The following SPTSSB variants were observed in gnomAD, a reference collection of about 807,000 sequenced individuals.
SPTSSB encodes serine palmitoyltransferase small subunit B, also known as androgen down regulated in mouse prostate.
A neutral mutation model predicts 7.7 loss-of-function variants in SPTSSB; 6 were observed. The ratio of observed to expected loss-of-function variants is 0.78; its 90% CI spans 0.43 to 1.54. The LOEUF is 1.54. Ranked by LOEUF, SPTSSB falls within the 40% of genes most tolerant of loss-of-function variation. SPTSSB has a pLI of 0.01. For missense variants in SPTSSB, 91 were observed against 93.0 expected (o/e 0.98, Z 0.09); for synonymous variants, 28 against 29.7 (o/e 0.94, Z 0.19).
At chr3:161,349,949 C>A (rs1289812330) in intron 2 of SPTSSB, among the ~76,000 whole-genome samples, 1 of 152,078 alleles carries the variant, frequency 6.6e-6, no homozygotes, top group East Asian at 1.9e-4. Context: ...TCTCCTCTCT[C>A]AGATAGAGAG....
chr3:161,361,125 G>C (rs1038187506), intron 1 of SPTSSB, among the ~76,000 whole-genome samples: 2 of 152,102 alleles, frequency 1.3e-5, no homozygotes, highest in Non-Finnish European at 2.9e-5. Context: ...TTTGGGGGGA[G>C]GAATGTGTCA....
At chr3:161,349,533 G>C (rs1008168260) in intron 2 of SPTSSB, among the ~76,000 whole-genome samples, 2 of 152,166 alleles carry the variant, frequency 1.3e-5, no homozygotes, top group African/African-American at 4.8e-5. Flanking sequence ...TTTTTAGTTA[G>C]GTGCTTTTGA....
chr3:161,353,781 C>T (rs1714648187), intron 2 of SPTSSB, among the ~76,000 whole-genome samples: 1 of 152,160 alleles, frequency 6.6e-6, no homozygotes, highest in Non-Finnish European at 1.5e-5. Context: ...TGATCAGTTT[C>T]CAGATACCTT....
chr3:161,351,609 GAGAA>G (rs1215034841), intron 2 of SPTSSB, among the ~76,000 whole-genome samples: 5 of 146,902 alleles, frequency 3.4e-5, no homozygotes, highest in East Asian at 2.0e-4. Context: ...GAGAGAGAGA[GAGAA>G]AGAGAGAGAG....
intron 2 of SPTSSB, among the ~76,000 whole-genome samples, chr3:161,355,603 G>A (rs1414610210): frequency 6.6e-6 from 1 of 152,186 alleles, no homozygotes; most frequent in East Asian, 1.9e-4. Flanking sequence ...CACAAAAACT[G>A]TATGATTTCA....
chr3:161,362,375 G>A (rs1398679865), intron 1 of SPTSSB, among the ~76,000 whole-genome samples: 2 of 151,994 alleles, frequency 1.3e-5, no homozygotes, highest in Admixed American at 6.6e-5. Context: ...AATGTACTGC[G>A]ACTCCACCTC....
chr3:161,369,360 TTCTC>T (rs1225075403), intron 1 of SPTSSB, among the ~76,000 whole-genome samples: 89 of 130,462 alleles, frequency 6.8e-4, no homozygotes, highest in South Asian at 1.1e-3. Context: ...TTCTCTTTCT[TTCTC>T]TCTCTGTCTC....
At chr3:161,351,064 A>G (rs1009238348) in intron 2 of SPTSSB, among the ~76,000 whole-genome samples, 6 of 152,224 alleles carry the variant, frequency 3.9e-5, no homozygotes, top group Admixed American at 3.9e-4. Context: ...ACTGTGAAAA[A>G]TTGTTATAGC....
At chr3:161,361,725 T>G (rs1168480989) in intron 1 of SPTSSB, among the ~76,000 whole-genome samples, 2 of 152,180 alleles carry the variant, frequency 1.3e-5, no homozygotes, top group African/African-American at 4.8e-5. Context: ...TTCTATTTTC[T>G]ACATGCATTT....
rs763630027 is a variant in SPTSSB, at chr3:161,346,068, G to A, written c.*25C>T. 3 of 1,165,644 alleles carry A rather than the reference G, an allele frequency of 2.6e-6. No homozygotes were observed. Among genetic ancestry groups the A allele is most frequent in the Non-Finnish European group, 1.3e-6 (1 of 773,390 alleles). 72.2% of individuals were successfully genotyped at this position (1,165,644 alleles called of 1,614,324 possible). On this transcript the variant is annotated 3_prime_UTR_variant, in exon 3 of 3. Transcript: ENST00000620149. ...TGTAAGCAACATATAAATATGCAAT[G>A]CCATTTCACTGAATGTGAACAGGAT...
intron 2 of SPTSSB, among the ~76,000 whole-genome samples, chr3:161,355,826 T>C (rs1316958617): frequency 1.3e-5 from 2 of 152,216 alleles, no homozygotes; most frequent in African/African-American, 2.4e-5. Flanking sequence ...GATGTTAAAT[T>C]ATATGTGTAG....
At chr3:161,367,959 C>T (rs990979475) in intron 1 of SPTSSB, among the ~76,000 whole-genome samples, 4 of 152,158 alleles carry the variant, frequency 2.6e-5, no homozygotes, top group South Asian at 4.1e-4. Flanking sequence ...ATTAATATAA[C>T]GAATTGATGA....
chr3:161,345,324 T>G lies in SPTSSB; in HGVS notation c.*769A>C, dbSNP rs1380291126. 1 of 152,504 alleles carries G rather than the reference T, an allele frequency of 6.6e-6. No homozygotes were observed. The highest frequency in any genetic ancestry group is 1.5e-5 in the Non-Finnish European group (1 of 67,988). 9.4% of individuals were successfully genotyped at this position (152,504 alleles called of 1,614,324 possible). ...AGTACAAAAAGAAAACCATTTCTTT[T>G]CTCTTTTTCCCCCAGCATCATGCAA... On this transcript the variant is annotated 3_prime_UTR_variant, in exon 3 of 3. Transcript: ENST00000620149.
chr3:161,369,333 TTTC>T (rs1447286855), intron 1 of SPTSSB, among the ~76,000 whole-genome samples: 9 of 106,244 alleles, frequency 8.5e-5, no homozygotes, highest in African/African-American at 3.6e-4. Context: ...TCTTTCTTTC[TTTC>T]TTTCTTTCTT....
intron 1 of SPTSSB, among the ~76,000 whole-genome samples, chr3:161,368,284 C>T (rs752646430): frequency 6.6e-6 from 1 of 152,138 alleles, no homozygotes; most frequent in African/African-American, 2.4e-5. Context: ...ATACAATTTA[C>T]CTACTTAAAG....
chr3:161,354,001 GA>G (rs1314937496), intron 2 of SPTSSB, among the ~76,000 whole-genome samples: 2 of 152,040 alleles, frequency 1.3e-5, no homozygotes, highest in East Asian at 1.9e-4. Context: ...AGGGGAAGCT[GA>G]AAAAAACAAC....
At chr3:161,349,272 A>G (rs1714410745) in intron 2 of SPTSSB, among the ~76,000 whole-genome samples, 1 of 152,232 alleles carries the variant, frequency 6.6e-6, no homozygotes, top group Non-Finnish European at 1.5e-5. Context: ...AGGAAAGGAC[A>G]TGGAAAAATG....
rs148932012 is a variant in SPTSSB, at chr3:161,345,626, A to G, written c.*467T>C. 987 of 153,436 alleles carry G rather than the reference A, an allele frequency of 6.4e-3. 10 individuals carry two copies. Among genetic ancestry groups the G allele is most frequent in the Middle Eastern group, 0.017 (5 of 294 alleles). The allele number at this position is 153,436 out of a possible 1,614,324, so 9.5% of individuals were successfully genotyped here. A position where few individuals can be genotyped will look rare whatever the true frequency, so the allele number is the denominator to read the frequency against. On this transcript the variant is annotated 3_prime_UTR_variant, in exon 3 of 3. Transcript: ENST00000620149. Reference sequence around the variant, plus strand: ...CTAGAAAATAAGACTTAGGGGGTCCATATAATTTATTCACATCTTTTTATA... The same window carrying G: ...CTAGAAAATAAGACTTAGGGGGTCCGTATAATTTATTCACATCTTTTTATA...
chr3:161,354,999 G>A (rs1714703166), intron 2 of SPTSSB, among the ~76,000 whole-genome samples: 1 of 152,210 alleles, frequency 6.6e-6, no homozygotes, highest in Admixed American at 6.5e-5. Flanking sequence ...TTGATGCTGA[G>A]GAGATATTAG....
Sources: allele counts gnomAD v4.1 joint callset (sites outside exome capture counted in the v4.1 genomes callset), GRCh38; gene constraint gnomAD v4.1.1; transcripts MANE v1.5; gene names NCBI Gene and HGNC (gene_info 2026-07-23, HGNC 2026-07-21).